SLC38A12: variants seen among roughly 807,000 people sequenced by gnomAD.
The protein encoded by SLC38A12 is solute carrier family 38 member 12, also known as putative sodium-coupled neutral amino acid transporter 12.
chr17:74,806,543 C>T, the SLC38A12 span, among the ~76,000 whole-genome samples: 9 of 152,052 alleles, frequency 5.9e-5, no homozygotes, highest in Non-Finnish European at 1.2e-4. Context: ...TTAACTCGGC[C>T]GAGGAGAGCC....
At chr17:74,826,651 C>G in the SLC38A12 span, among the ~76,000 whole-genome samples, 1 of 152,104 alleles carries the variant, frequency 6.6e-6, no homozygotes, top group African/African-American at 2.4e-5. Context: ...GTGGGGGCCT[C>G]CTGTAGTCCC....
chr17:74,829,500 C>T, the SLC38A12 span, among the ~76,000 whole-genome samples: 1 of 152,124 alleles, frequency 6.6e-6, no homozygotes, highest in African/African-American at 2.4e-5. The surrounding 1 kb of genome is among the most constrained non-coding windows in gnomAD (Gnocchi z 4.1). Flanking sequence ...GTGGTCAGCA[C>T]GGCTCTAGAT....
At chr17:74,838,748 T>C in the SLC38A12 span, 1 of 1,458,926 alleles carries the variant, frequency 6.9e-7, no homozygotes. Context: ...CAATGGGGCT[T>C]GGGGCCAGGG....
chr17:74,781,467 G>A, the SLC38A12 span, among the ~76,000 whole-genome samples: 1 of 151,870 alleles, frequency 6.6e-6, no homozygotes, highest in African/African-American at 2.4e-5. Flanking sequence ...TTATTTTTTT[G>A]TAGAGATAGA....
At chr17:74,809,600 C>T in the SLC38A12 span, among the ~76,000 whole-genome samples, 3 of 152,304 alleles carry the variant, frequency 2.0e-5, no homozygotes, top group East Asian at 1.9e-4. Context: ...GAAGCTCTCA[C>T]GCAGCCCCTT....
the SLC38A12 span, among the ~76,000 whole-genome samples, chr17:74,807,426 C>T: frequency 6.6e-6 from 1 of 152,266 alleles, no homozygotes; most frequent in Non-Finnish European, 1.5e-5. Context: ...GTGGACGCCA[C>T]TGCTGGGCCT....
At chr17:74,796,375 A>G in the SLC38A12 span, among the ~76,000 whole-genome samples, 10 of 152,232 alleles carry the variant, frequency 6.6e-5, no homozygotes, top group African/African-American at 2.2e-4. Flanking sequence ...TAGGTGACAC[A>G]CAGTTTGACA....
At chr17:74,788,696 G>A in the SLC38A12 span, 1 of 1,041,292 alleles carries the variant, frequency 9.6e-7, no homozygotes, top group East Asian at 2.4e-5. Context: ...GTCTGGGCTG[G>A]TGGGTCTGGT....
the SLC38A12 span, chr17:74,795,777 T>A: frequency 1.5e-6 from 1 of 662,394 alleles, no homozygotes; most frequent in Non-Finnish European, 2.6e-6. Flanking sequence ...ACTGGGGCCT[T>A]GGCCCCAGGC....
the SLC38A12 span, chr17:74,795,206 T>G: frequency 9.8e-7 from 1 of 1,021,232 alleles, no homozygotes; most frequent in Non-Finnish European, 1.5e-6. Flanking sequence ...CCATGCCAAG[T>G]GAGTTCATTG....
chr17:74,776,560 G>C, the SLC38A12 span: 1 of 152,150 alleles, frequency 6.6e-6, no homozygotes, highest in East Asian at 1.9e-4. Context: ...GGCGGCTTGG[G>C]AGCTGGCTGT....
the SLC38A12 span, chr17:74,790,261 A>G: frequency 5.0e-6 from 8 of 1,614,138 alleles, no homozygotes; most frequent in Non-Finnish European, 6.8e-6. Flanking sequence ...CGGGACAACT[A>G]CGAGCGGGCA....
the SLC38A12 span, among the ~76,000 whole-genome samples, chr17:74,814,758 G>A: frequency 6.6e-6 from 1 of 152,126 alleles, no homozygotes; most frequent in Non-Finnish European, 1.5e-5. Context: ...ATCCTACAAA[G>A]CTTTTGTGAG....
the SLC38A12 span, among the ~76,000 whole-genome samples, chr17:74,778,708 G>C: frequency 1.4e-5 from 2 of 143,726 alleles, no homozygotes; most frequent in African/African-American, 5.3e-5. Flanking sequence ...GAGTGCAATG[G>C]TGCAATCTCG....
At chr17:74,826,319 C>G in the SLC38A12 span, among the ~76,000 whole-genome samples, 3 of 152,186 alleles carry the variant, frequency 2.0e-5, no homozygotes, top group African/African-American at 7.2e-5. Context: ...TCCTGCCACC[C>G]TGGGGAGAGG....
At chr17:74,795,576 G>A in the SLC38A12 span, 76 of 1,613,996 alleles carry the variant, frequency 4.7e-5, no homozygotes, top group Non-Finnish European at 6.3e-5. Context: ...CAAATACAAT[G>A]ACACTGACCG....
At chr17:74,804,540 G>A in the SLC38A12 span, among the ~76,000 whole-genome samples, 6 of 152,354 alleles carry the variant, frequency 3.9e-5, no homozygotes, top group African/African-American at 9.6e-5. Flanking sequence ...GCATAAGCCC[G>A]GATGTCTTGT....
At chr17:74,793,645 G>A in the SLC38A12 span, among the ~76,000 whole-genome samples, 1 of 152,204 alleles carries the variant, frequency 6.6e-6, no homozygotes, top group African/African-American at 2.4e-5. Context: ...GCAGGTGGAG[G>A]AAAGGCTGGG....
the SLC38A12 span, among the ~76,000 whole-genome samples, chr17:74,811,404 A>G: frequency 6.6e-6 from 1 of 152,086 alleles, no homozygotes; most frequent in Non-Finnish European, 1.5e-5. Context: ...ATGGAAGTCA[A>G]ATAAGAATAG....
Sources: gnomAD v4.1 joint callset for allele counts (sites outside exome capture counted in the v4.1 genomes callset) on GRCh38, gnomAD v4.1.1 for gene constraint, Gnocchi (gnomAD v3.1) non-coding constraint, MANE v1.5 for transcripts, NCBI Gene and HGNC (gene_info 2026-07-23, HGNC 2026-07-21) for gene names.